The following ICA1L variants were observed in gnomAD, a reference collection of about 807,000 sequenced individuals.
ICA1L encodes islet cell autoantigen 1 like.
In ICA1L, 50 loss-of-function variants were observed where a neutral mutation model predicts 61.3. The ratio of observed to expected loss-of-function variants is 0.82; its 90% CI spans 0.65 to 1.03. The LOEUF is 1.03. ICA1L is among the 50% of genes least tolerant of loss of function. ICA1L has a pLI of 0.00. For missense variants in ICA1L, 508 were observed against 556.7 expected, an observed-to-expected ratio of 0.91 and a Z score of 0.88; for synonymous variants, 161 against 191.3, an observed-to-expected ratio of 0.84 and a Z score of 1.31.
intron 5 of ICA1L, 129 bp downstream of exon 5, chr2:202,819,572 C>G (rs1693637919): frequency 1.4e-6 from 1 of 737,402 alleles, no homozygotes; most frequent in Admixed American, 2.7e-5. Flanking sequence ...ACTACAGTCT[C>G]CAAGCAACCA....
chr2:202,866,819 C>T (rs548663675), intron 1 of ICA1L, among the ~76,000 whole-genome samples: 1 of 152,124 alleles, frequency 6.6e-6, no homozygotes, highest in East Asian at 1.9e-4. Context: ...AGGTGGCAGG[C>T]TCCTGTAGTC....
chr2:202,818,407 GC>G (rs986999297), intron 5 of ICA1L, among the ~76,000 whole-genome samples: 2 of 152,288 alleles, frequency 1.3e-5, no homozygotes, highest in Admixed American at 1.3e-4. Flanking sequence ...AGGAGGTAGA[GC>G]ACGTTCTTCC....
intron 1 of ICA1L, among the ~76,000 whole-genome samples, chr2:202,848,105 G>A (rs930898247): frequency 3.3e-5 from 5 of 152,104 alleles, no homozygotes; most frequent in African/African-American, 9.7e-5. Context: ...AGGAGGTGTT[G>A]AGATTAGCCA....
At chr2:202,786,280 C>T (rs2105818956) in intron 11 of ICA1L, among the ~76,000 whole-genome samples, 1 of 152,288 alleles carries the variant, frequency 6.6e-6, no homozygotes, top group South Asian at 2.1e-4. Context: ...GGCGCGGTGG[C>T]TCACGCCTGT....
rs1687740831 is a variant in ICA1L at position 202,871,730 on chromosome 2, G to GCCAGTGCCCCTCCGCA, written c.-135_-120dup. On this transcript the variant is annotated 5_prime_UTR_variant, in exon 1 of 13. Transcript: ENST00000358299. ...CGCGCCGACTCCCGGCCCTCCGGCA[G>GCCAGTGCCCCTCCGCA]CCAGTGCCCCTCCGCACCAGTGCGT... is the stretch of plus-strand genomic sequence containing the variant. 6.6e-6 allele frequency: 1 copy of GCCAGTGCCCCTCCGCA among 152,640 alleles called. No individual in the cohort carries two copies. The highest frequency in any genetic ancestry group is 1.5e-5 in the Non-Finnish European group (1 of 68,450). 9.5% of individuals were successfully genotyped at this position (152,640 alleles called of 1,614,324 possible).
At chr2:202,792,164 T>C (rs1042930435) in intron 10 of ICA1L, among the ~76,000 whole-genome samples, 1 of 151,994 alleles carries the variant, frequency 6.6e-6, no homozygotes, top group African/African-American at 2.4e-5. Flanking sequence ...CGAGACTCCA[T>C]CTCAAAAAAT....
chr2:202,791,336 T>TG (rs1692743180), intron 10 of ICA1L, among the ~76,000 whole-genome samples: 1 of 152,170 alleles, frequency 6.6e-6, no homozygotes, highest in African/African-American at 2.4e-5. Context: ...ATAAAAAGAC[T>TG]GGGACAAAAT....
chr2:202,815,766 A>G (rs928329339), intron 7 of ICA1L, 145 bp downstream of exon 7: 1 of 430,834 alleles, frequency 2.3e-6, no homozygotes, highest in Non-Finnish European at 4.0e-6. Context: ...CAATTAGGAA[A>G]GTGCTGACCC....
chr2:202,815,762 G>A, intron 7 of ICA1L, 149 bp downstream of exon 7: 1 of 425,158 alleles, frequency 2.4e-6, no homozygotes, highest in East Asian at 3.7e-5. Flanking sequence ...TTTGCAATTA[G>A]GAAAGTGCTG....
rs557534073 is a variant in ICA1L, at chr2:202,816,445, T to C, written c.685-436A>G. On this transcript the variant is annotated intron_variant, in intron 6 of 12. Transcript: ENST00000358299. ...GAAAAATTACATTTACCACTAAATC[T>C]GGCCTTTCATCTAGAGTTCAAGAAA... Among the ~76,000 whole-genome samples, 9 of 152,352 alleles carry C rather than the reference T, an allele frequency of 5.9e-5. No individual in the cohort carries two copies. In the South Asian group the frequency reaches 1.7e-3, roughly 28 times the overall value.
intron 1 of ICA1L, chr2:202,840,306 C>T (rs1238786647): frequency 8.7e-6 from 4 of 461,940 alleles, no homozygotes; most frequent in African/African-American, 2.0e-5. Flanking sequence ...AGGAGGGGCA[C>T]ACTGGGAGGA....
At chr2:202,853,939 C>A (rs926185086) in intron 1 of ICA1L, among the ~76,000 whole-genome samples, 2 of 152,140 alleles carry the variant, frequency 1.3e-5, no homozygotes, top group African/African-American at 4.8e-5. Context: ...TGCAGAAACA[C>A]ATCAAAATAT....
At position 202,773,880 on chromosome 2, in the gene ICA1L, C is replaced by T. The variant is rs1163462326; in HGVS notation, c.*5653G>A. 2.3e-5 allele frequency: 30 copies of T among 1,289,938 alleles called. No individual in the cohort carries two copies. The highest frequency in any genetic ancestry group is 1.4e-4 in the East Asian group (6 of 43,268). 79.9% of individuals were successfully genotyped at this position (1,289,938 alleles called of 1,614,324 possible). A position where few individuals can be genotyped will look rare whatever the true frequency, so the allele number is the denominator to read the frequency against. ...TTCTACAGAGGCTGAGTGGAACAGTCCTGCTAAATAAACCAGTGGAATAAG... is the reference window on the plus strand; with the variant it reads ...TTCTACAGAGGCTGAGTGGAACAGTTCTGCTAAATAAACCAGTGGAATAAG... On this transcript the variant is annotated 3_prime_UTR_variant, in exon 13 of 13. Transcript: ENST00000358299.
Position 202,811,791 on chromosome 2 carries a change from TG to T in ICA1L, c.867-3del. 6.2e-7 allele frequency: 1 copy of T among 1,601,662 alleles called. No individual in the cohort carries two copies. The highest frequency in any genetic ancestry group is 8.5e-7 in the Non-Finnish European group (1 of 1,170,830). The stretch of plus-strand genomic sequence containing the variant: ...GCTTCCTCATCAGACAAAACTAGCC[TG>T]AAGTAAAAACAAAAAAAAATGTAGA... On this transcript the variant is annotated splice_region_variant and splice_polypyrimidine_tract_variant and intron_variant, in intron 8 of 12. Coordinates refer to ENST00000358299, the MANE Select transcript of ICA1L (RefSeq NM_001288622.3).
At chr2:202,793,316 A>T (rs1397876408) in intron 10 of ICA1L, among the ~76,000 whole-genome samples, 1 of 151,840 alleles carries the variant, frequency 6.6e-6, no homozygotes, top group Non-Finnish European at 1.5e-5. Flanking sequence ...CAAAAAACAC[A>T]CATGTACAAG....
At chr2:202,857,447 C>T (rs1168411722) in intron 1 of ICA1L, among the ~76,000 whole-genome samples, 1 of 152,124 alleles carries the variant, frequency 6.6e-6, no homozygotes, top group Non-Finnish European at 1.5e-5. Context: ...AACTGGACCC[C>T]TTCCTCACAC....
At chr2:202,836,562 G>C (rs935001929) in intron 1 of ICA1L, among the ~76,000 whole-genome samples, 2 of 152,030 alleles carry the variant, frequency 1.3e-5, no homozygotes, top group Non-Finnish European at 2.9e-5. Flanking sequence ...TTTTGGAAGA[G>C]TTTCAGAAGG....
At chr2:202,821,953 C>A (rs897344463) in intron 3 of ICA1L, among the ~76,000 whole-genome samples, 28 of 152,300 alleles carry the variant, frequency 1.8e-4, no homozygotes, top group South Asian at 1.2e-3. Flanking sequence ...TCTGCTCCAG[C>A]AACCCTAAAA....
intron 1 of ICA1L, chr2:202,860,382 G>C (rs1376001814): frequency 2.6e-5 from 4 of 151,722 alleles, no homozygotes; most frequent in African/African-American, 9.7e-5. Flanking sequence ...AATATAAATG[G>C]ACTATGTAAC....
Sources: allele counts gnomAD v4.1 joint callset (sites outside exome capture counted in the v4.1 genomes callset), GRCh38; gene constraint gnomAD v4.1.1; transcripts MANE v1.5; gene names NCBI Gene and HGNC (gene_info 2026-07-23, HGNC 2026-07-21).